The following DAAM1 variants were observed in gnomAD, a reference collection of about 807,000 sequenced individuals.
DAAM1 encodes disheveled-associated activator of morphogenesis 1.
A neutral mutation model predicts 130.0 loss-of-function variants in DAAM1; 52 were observed. The ratio of observed to expected loss-of-function variants is 0.40; its 90% CI spans 0.32 to 0.50. The LOEUF is 0.50. Among genes scored for constraint, DAAM1 ranks in the 20% least tolerant of loss-of-function variants. The probability of loss-of-function intolerance (pLI) is 0.61; values close to 1 mark genes in which losing one functional copy is unlikely to be tolerated. For missense variants in DAAM1, 1,134 were observed against 1,303.8 expected (o/e 0.87, Z 2.01); for synonymous variants, 452 against 444.5 (o/e 1.02, Z -0.21).
At chr14:59,258,880 A>G (rs781122016) in intron 1 of DAAM1, among the ~76,000 whole-genome samples, 15 of 152,194 alleles carry the variant, frequency 9.9e-5, no homozygotes, top group Admixed American at 3.3e-4. Context: ...GTCAAAGGCA[A>G]TATTTTGGTA....
chr14:59,301,379 G>A (rs949599492), intron 3 of DAAM1, among the ~76,000 whole-genome samples: 5 of 151,886 alleles, frequency 3.3e-5, no homozygotes, highest in Admixed American at 1.3e-4. Flanking sequence ...AATAAATATT[G>A]AACGAATTGT....
chr14:59,328,495 C>A (rs897917614), intron 12 of DAAM1, among the ~76,000 whole-genome samples: 3 of 152,180 alleles, frequency 2.0e-5, no homozygotes, highest in African/African-American at 7.2e-5. Flanking sequence ...TTCGTTCATT[C>A]AGTGAATACC....
chr14:59,352,774 G>C, intron 18 of DAAM1, 142 bp downstream of exon 18: 1 of 720,360 alleles, frequency 1.4e-6, no homozygotes, highest in Non-Finnish European at 2.2e-6. Flanking sequence ...TCTCAAGTCT[G>C]AGTGATGTGG....
At chr14:59,367,237 G>A (rs1245466365) in intron 23 of DAAM1, among the ~76,000 whole-genome samples, 192 bp from the exon 24 acceptor site, 4 of 151,716 alleles carry the variant, frequency 2.6e-5, no homozygotes, top group African/African-American at 7.3e-5. Flanking sequence ...GCAGTGAGCT[G>A]GGATCATGCC....
At chr14:59,245,779 A>C (rs1199163887) in intron 1 of DAAM1, among the ~76,000 whole-genome samples, 1 of 152,184 alleles carries the variant, frequency 6.6e-6, no homozygotes, top group Non-Finnish European at 1.5e-5. Flanking sequence ...AAAAGAAGAA[A>C]GTCATTGCTC....
chr14:59,255,196 G>A (rs1881822823), intron 1 of DAAM1, among the ~76,000 whole-genome samples: 1 of 152,194 alleles, frequency 6.6e-6, no homozygotes, highest in South Asian at 2.1e-4. Flanking sequence ...GAAGTTCCAG[G>A]AGCCACTCCA....
chr14:59,241,299 A>G (rs759816415), intron 1 of DAAM1, among the ~76,000 whole-genome samples: 1 of 152,224 alleles, frequency 6.6e-6, no homozygotes, highest in Non-Finnish European at 1.5e-5. Context: ...GTGTTGGGAA[A>G]ACTTTAGAAA....
intron 2 of DAAM1, chr14:59,264,631 T>A (rs1318892764): frequency 6.6e-6 from 1 of 152,110 alleles, no homozygotes; most frequent in Non-Finnish European, 1.5e-5. Flanking sequence ...GTAATGGAAT[T>A]AGTTCTTCTT....
chr14:59,204,474 G>A lies in DAAM1; in HGVS notation c.-38+15706G>A, dbSNP rs548073885. Reference sequence around the variant, plus strand: ...ATTTTTTTCCCTGCAATCAGCTGGAGAAGAGGCTGATATTAAAGGGCTCCC... The same window carrying A: ...ATTTTTTTCCCTGCAATCAGCTGGAAAAGAGGCTGATATTAAAGGGCTCCC... On this transcript the variant is annotated intron_variant, in intron 1 of 24. Transcript: ENST00000360909. Among the ~76,000 whole-genome samples the A allele has an allele frequency of 3.9e-5, 6 of 152,288 alleles. No homozygotes were observed. In the South Asian group the frequency reaches 1.2e-3, roughly 32 times the overall value.
chr14:59,208,335 C>A (rs998181973), intron 1 of DAAM1, among the ~76,000 whole-genome samples: 3 of 152,118 alleles, frequency 2.0e-5, no homozygotes, highest in African/African-American at 7.2e-5. Context: ...CCTTATGAGC[C>A]TTTAACCAGC....
At chr14:59,347,688 G>A in intron 17 of DAAM1, 65 bp downstream of exon 17, 1 of 1,472,482 alleles carries the variant, frequency 6.8e-7, no homozygotes, top group Non-Finnish European at 9.4e-7. Flanking sequence ...GAGGGATGTT[G>A]AGAACATCCG....
intron 1 of DAAM1, among the ~76,000 whole-genome samples, chr14:59,225,019 G>GTTTTTTTTTTTTTTTTTTTTTTT (rs869233694): frequency 1.1e-5 from 1 of 90,784 alleles, no homozygotes; most frequent in Non-Finnish European, 2.1e-5. Flanking sequence ...ATCTGTGTGG[G>GTTTTTTTTTTTTTTTTTTTTTTT]TTTTTTTTTT....
At chr14:59,256,884 G>A (rs1881914923) in intron 1 of DAAM1, among the ~76,000 whole-genome samples, 1 of 152,174 alleles carries the variant, frequency 6.6e-6, no homozygotes, top group African/African-American at 2.4e-5. Context: ...GATCATGATG[G>A]CTGAGTCAGT....
chr14:59,212,611 G>C (rs1350929840), intron 1 of DAAM1, among the ~76,000 whole-genome samples: 2 of 152,224 alleles, frequency 1.3e-5, no homozygotes, highest in Non-Finnish European at 2.9e-5. Context: ...GCTTATCAAA[G>C]GTGACATTCT....
chr14:59,214,661 A>G (rs1888524835), intron 1 of DAAM1, among the ~76,000 whole-genome samples: 1 of 152,224 alleles, frequency 6.6e-6, no homozygotes, highest in African/African-American at 2.4e-5. Context: ...AGGTTCATCC[A>G]TGTCATGGCA....
At chr14:59,207,863 T>C (rs1012753462) in intron 1 of DAAM1, among the ~76,000 whole-genome samples, 6 of 152,204 alleles carry the variant, frequency 3.9e-5, no homozygotes, top group African/African-American at 1.4e-4. Context: ...GGTTTTTTCC[T>C]GACAGCAGTC....
intron 15 of DAAM1, 136 bp downstream of exon 15, chr14:59,332,056 G>C: frequency 1.4e-6 from 1 of 716,368 alleles, no homozygotes; most frequent in Non-Finnish European, 2.3e-6. Flanking sequence ...GTGCATGTCC[G>C]TGTCTCCGTC....
intron 2 of DAAM1, among the ~76,000 whole-genome samples, chr14:59,272,100 C>T (rs1273614153): frequency 1.4e-5 from 2 of 142,694 alleles, no homozygotes; most frequent in African/African-American, 2.8e-5. Flanking sequence ...ACAATAGTGT[C>T]AAAGTATTCA....
intron 1 of DAAM1, among the ~76,000 whole-genome samples, chr14:59,247,547 A>G (rs1594778598): frequency 6.6e-6 from 1 of 152,120 alleles, no homozygotes; most frequent in South Asian, 2.1e-4. Context: ...TTCTTTAATT[A>G]CTTTCAGAAA....
Sources: allele counts gnomAD v4.1 joint callset (sites outside exome capture counted in the v4.1 genomes callset), GRCh38; gene constraint gnomAD v4.1.1; transcripts MANE v1.5; gene names NCBI Gene and HGNC (gene_info 2026-07-23, HGNC 2026-07-21).